The following ZFP36L2 variants were observed in gnomAD, a reference collection of about 807,000 sequenced individuals.
The protein encoded by ZFP36L2 is mRNA decay activator protein ZFP36L2.
In ZFP36L2, 16 loss-of-function variants were observed where a neutral mutation model predicts 27.9. That is an observed-to-expected ratio of 0.57 (90% confidence interval 0.39 to 0.87). ZFP36L2 has a LOEUF of 0.87. Among genes scored for constraint, ZFP36L2 ranks in the 40% least tolerant of loss-of-function variants. ZFP36L2 has a pLI of 0.00. For synonymous variants in ZFP36L2, 600 were observed against 363.8 expected, an observed-to-expected ratio of 1.65 and a Z score of -7.39; for missense variants, 989 against 726.9, an observed-to-expected ratio of 1.36 and a Z score of -4.15.
chr2:43,226,436 T>C lies in ZFP36L2; in HGVS notation c.-121A>G. On this transcript the variant is annotated 5_prime_UTR_variant, in exon 1 of 2. Transcript: ENST00000282388. ...GCGAGGGGCGGGGAGGGGCCGAAAG[T>C]TTGCCGGGGGGCGAGAGGAGAGGGC... The C allele has an allele frequency of 7.5e-7, 1 of 1,334,694 alleles. No individual in the cohort carries two copies. Among genetic ancestry groups the C allele is most frequent in the Non-Finnish European group, 1.0e-6 (1 of 959,330 alleles). The allele number at this position is 1,334,694 out of a possible 1,614,324, so 82.7% of individuals were successfully genotyped here. A position where few individuals can be genotyped will look rare whatever the true frequency, so the allele number is the denominator to read the frequency against.
Position 43,224,861 on chromosome 2 carries a change from G to T in ZFP36L2, c.943C>A (p.Pro315Thr). The change falls in exon 2 of 2, where the codon CCC becomes ACC. Residue 315 changes from proline to threonine, a missense_variant. By Grantham distance (38) the Pro-to-Thr change is conservative (BLOSUM62 -1). Transcript: ENST00000282388. ...SCSSASAASTPSGAPTCCASA... is the reference protein window; with the variant it reads ...SCSSASAASTTSGAPTCCASA... Reference sequence around the variant, plus strand: ...GCGCAGCATGTCGGGGCGCCCGAGGGCGTGGAGGCCGCGGAGGCCGAGGAA... The same window carrying T: ...GCGCAGCATGTCGGGGCGCCCGAGGTCGTGGAGGCCGCGGAGGCCGAGGAA... 13 of 1,487,860 alleles carry T rather than the reference G, an allele frequency of 8.7e-6. No individual in the cohort carries two copies. Among genetic ancestry groups the T allele is most frequent in the Non-Finnish European group, 1.1e-5 (13 of 1,133,344 alleles). 92.2% of individuals were successfully genotyped at this position (1,487,860 alleles called of 1,614,324 possible).
rs777385119 is a variant in ZFP36L2, at chr2:43,224,714, C to T, written c.1090G>A (p.Ala364Thr). ...AGGCTGCTGAGCTCCGGACCGAAGG[C>T]GAAGGCGTTGTTGGCGCACGAGGCC... is the stretch of plus-strand genomic sequence containing the variant. Reference protein sequence around the residue: ...SSASCANNAFAFGPELSSLIT... With the variant: ...SSASCANNAFTFGPELSSLIT... The change falls in exon 2 of 2, where the codon GCC (alanine) becomes ACC (threonine). Residue 364 changes from alanine (A) to threonine (T), a missense_variant. Physicochemically the swap from Ala to Thr is moderately conservative, Grantham distance 58. Coordinates refer to ENST00000282388, the MANE Select transcript of ZFP36L2 (RefSeq NM_006887.5). 14 of 1,532,894 alleles carry T rather than the reference C, an allele frequency of 9.1e-6. No individual in the cohort carries two copies. The African/African-American group carries it at 1.6e-4, about 17-fold the overall frequency. 95.0% of individuals were successfully genotyped at this position (1,532,894 alleles called of 1,614,324 possible). A position where few individuals can be genotyped will look rare whatever the true frequency, so the allele number is the denominator to read the frequency against.
rs1667018253 is a variant in ZFP36L2, at chr2:43,223,729, T to C, written c.*590A>G. 1 of 150,812 alleles carries C rather than the reference T, an allele frequency of 6.6e-6. No individual in the cohort carries two copies. Among genetic ancestry groups the C allele is most frequent in the South Asian group, 2.1e-4 (1 of 4,686 alleles). The allele number at this position is 150,812 out of a possible 1,614,324, so 9.3% of individuals were successfully genotyped here. A position where few individuals can be genotyped will look rare whatever the true frequency, so the allele number is the denominator to read the frequency against. ...TAAAAAACAAAAAACACCTATGGGC[T>C]GAGGGCTAACTATCAAGGCATATTC... On this transcript the variant is annotated 3_prime_UTR_variant, in exon 2 of 2. Transcript: ENST00000282388.
intron 1 of ZFP36L2, 44 bp downstream of exon 1, chr2:43,226,221 G>C (rs779676950): frequency 1.0e-5 from 16 of 1,556,064 alleles, no homozygotes; most frequent in East Asian, 2.4e-5. Context: ...CAAAGTCCAA[G>C]AACTACAACG....
rs771884716 is a variant in ZFP36L2 at position 43,226,256 on chromosome 2, C to T, written c.51+9G>A. ...GGCTGCTGCCGGCCGGGCCCGCTCC[C>T]TGGCCTACCTTGCACAAGAAGTCGA... On this transcript the variant is annotated intron_variant, in intron 1 of 1. Transcript: ENST00000282388. The T allele has an allele frequency of 1.9e-6, 3 of 1,576,324 alleles. No individual in the cohort carries two copies. The highest frequency in any genetic ancestry group is 2.3e-5 in the South Asian group (2 of 86,702).
chr2:43,225,135 G>A lies in ZFP36L2; in HGVS notation c.669C>T (p.Pro223=), dbSNP rs1423022490. The A allele has an allele frequency of 2.5e-6, 4 of 1,584,778 alleles. No individual in the cohort carries two copies. The highest frequency in any genetic ancestry group is 1.7e-4 in the Middle Eastern group (1 of 6,000). ...HFIHNADERR[P]APSGGASGDL... ...CCCCGGAGGCGCCCCCCGACGGCGC[G>A]GGCCGCCGCTCGTCCGCGTTGTGGA... Residue 223 remains proline, a synonymous_variant, in exon 2 of 2, where the codon CCC becomes CCT. Transcript: ENST00000282388.
Position 43,225,372 on chromosome 2 carries a change from G to GC in ZFP36L2, c.431dup (p.Gly145ArgfsTer329), listed in dbSNP as rs1558428769. 6.2e-7 allele frequency: 1 copy of GC among 1,613,344 alleles called. No individual in the cohort carries two copies. The highest frequency in any genetic ancestry group is 1.3e-5 in the African/African-American group (1 of 74,910). ...GCGTGGAGTTGATCTGGGAGCCGCC[G>GC]CCCCCCTTCTGCTGCTGCTGCAGGT... is the stretch of plus-strand genomic sequence containing the variant. On this transcript the variant is annotated frameshift_variant, in exon 2 of 2. Coordinates refer to ENST00000282388, the MANE Select transcript of ZFP36L2 (RefSeq NM_006887.5). LOFTEE classifies it high-confidence loss of function.
Position 43,225,183 on chromosome 2 carries a change from G to A in ZFP36L2, c.621C>T (p.Pro207=), listed in dbSNP as rs1416377230. 2 of 1,600,584 alleles carry A rather than the reference G, an allele frequency of 1.2e-6. No individual in the cohort carries two copies. Among genetic ancestry groups the A allele is most frequent in the Admixed American group, 1.7e-5 (1 of 59,998 alleles). Residue 207 remains proline, a synonymous_variant, in exon 2 of 2, where the codon CCC becomes CCT. Coordinates refer to ENST00000282388, the MANE Select transcript of ZFP36L2 (RefSeq NM_006887.5). ...GGATGAAGTGGCAGCGCGGCCCATA[G>A]GGGCAGAAGCCGATGGTATGAAAGG... ...CRTFHTIGFC[P]YGPRCHFIHN...
In ZFP36L2 at chr2:43,224,065, G is replaced by A; in HGVS notation, c.*254C>T. ...ATATTTTGTTCAACAGAAAAAGTTC[G>A]ACTTTTTTGCTCAAAAAGAATGAAA... On this transcript the variant is annotated 3_prime_UTR_variant, in exon 2 of 2. Coordinates refer to ENST00000282388, the MANE Select transcript of ZFP36L2 (RefSeq NM_006887.5). The A allele has an allele frequency of 2.7e-6, 1 of 370,316 alleles. No homozygotes were observed. Among genetic ancestry groups the A allele is most frequent in the East Asian group, 3.9e-5 (1 of 25,406 alleles). The allele number at this position is 370,316 out of a possible 1,614,324, so 22.9% of individuals were successfully genotyped here.
chr2:43,224,520 G>C lies in ZFP36L2; in HGVS notation c.1284C>G (p.Pro428=), dbSNP rs1489645132. 2.0e-5 allele frequency: 29 copies of C among 1,476,790 alleles called. No homozygotes were observed. The highest frequency in any genetic ancestry group is 9.2e-5 in the Admixed American group (4 of 43,446). 91.5% of individuals were successfully genotyped at this position (1,476,790 alleles called of 1,614,324 possible). ...GGCGGCGCGGCAGCTGGAAGCTGAA[G>C]GGCGGCGAGGGAGGTGCGGCGGCCC... The part of the protein sequence containing the change: ...PAGAAAPPSP[P]FSFQLPRRLS... Residue 428 remains proline, a synonymous_variant, in exon 2 of 2, where the codon CCC becomes CCG. Coordinates refer to ENST00000282388, the MANE Select transcript of ZFP36L2 (RefSeq NM_006887.5).
intron 1 of ZFP36L2, 109 bp from the exon 2 acceptor site, chr2:43,225,861 A>C (rs1428501495): frequency 1.2e-5 from 14 of 1,213,210 alleles, no homozygotes; most frequent in African/African-American, 3.2e-5. Context: ...TTTTTCCCCC[A>C]CTCTTGGCGG....
At position 43,226,349 on chromosome 2, in the gene ZFP36L2, C is replaced by CCGGGAGGT. The variant is rs1473926401; in HGVS notation, c.-42_-35dup. On this transcript the variant is annotated 5_prime_UTR_variant, in exon 1 of 2. Transcript: ENST00000282388. ...ATCCCGCAGTGGCCGGAGCGGCAGGCCGGGAGGTCGGGAGGAGCCCTTGGG... is the reference window on the plus strand; with the variant it reads ...ATCCCGCAGTGGCCGGAGCGGCAGGCCGGGAGGTCGGGAGGTCGGGAGGAGCCCTTGGG... The CCGGGAGGT allele has an allele frequency of 3.2e-6, 5 of 1,561,218 alleles. No individual in the cohort carries two copies. Among genetic ancestry groups the CCGGGAGGT allele is most frequent in the Non-Finnish European group, 4.3e-6 (5 of 1,152,170 alleles).
In ZFP36L2 at chr2:43,224,221, C is replaced by A. The variant is rs575291671; in HGVS notation, c.*98G>T. On this transcript the variant is annotated 3_prime_UTR_variant, in exon 2 of 2. Coordinates refer to ENST00000282388, the MANE Select transcript of ZFP36L2 (RefSeq NM_006887.5). ...AGTCTGCCTAGGGCCCATGTCACCC[C>A]CCCCACTCCCGTGCCCCCAGCAAGG... The A allele has an allele frequency of 2.8e-5, 37 of 1,300,720 alleles. No individual in the cohort carries two copies. The African/African-American group carries it at 4.2e-4, about 15-fold the overall frequency. The allele number at this position is 1,300,720 out of a possible 1,614,324, so 80.6% of individuals were successfully genotyped here. A position where few individuals can be genotyped will look rare whatever the true frequency, so the allele number is the denominator to read the frequency against.
Position 43,224,422 on chromosome 2 carries a change from C to T in ZFP36L2, c.1382G>A (p.Ser461Asn), listed in dbSNP as rs1667035396. 1.3e-6 allele frequency: 2 copies of T among 1,550,390 alleles called. No individual in the cohort carries two copies. The highest frequency in any genetic ancestry group is 1.7e-6 in the Non-Finnish European group (2 of 1,154,460). Residue 461 changes from serine to asparagine, a missense_variant, in exon 2 of 2, where the codon AGC (serine) becomes AAC (asparagine). Ser to Asn is a conservative substitution (Grantham distance 46). Transcript: ENST00000282388. ...DSLSDRDSYLSGSLSSGSLSG... is the reference protein window; with the variant it reads ...DSLSDRDSYLNGSLSSGSLSG... ...GAGGCTGCCGGAGCTCAGGGAGCCGCTTAGGTAGCTGTCGCGGTCCGACAG... is the reference window on the plus strand; with the variant it reads ...GAGGCTGCCGGAGCTCAGGGAGCCGTTTAGGTAGCTGTCGCGGTCCGACAG...
chr2:43,226,261 C>G lies in ZFP36L2; in HGVS notation c.51+4G>C, dbSNP rs563686680. On this transcript the variant is annotated splice_donor_region_variant and intron_variant, in intron 1 of 1. Coordinates refer to ENST00000282388, the MANE Select transcript of ZFP36L2 (RefSeq NM_006887.5). ...CTGCCGGCCGGGCCCGCTCCCTGGCCTACCTTGCACAAGAAGTCGACATCG... is the reference window on the plus strand; with the variant it reads ...CTGCCGGCCGGGCCCGCTCCCTGGCGTACCTTGCACAAGAAGTCGACATCG... 3 of 1,579,542 alleles carry G rather than the reference C, an allele frequency of 1.9e-6. No individual in the cohort carries two copies. The highest frequency in any genetic ancestry group is 2.6e-6 in the Non-Finnish European group (3 of 1,161,856).
In ZFP36L2 at chr2:43,223,989, GTGTT is replaced by G. The variant is rs1667023895; in HGVS notation, c.*326_*329del. The G allele has an allele frequency of 4.5e-6, 1 of 223,600 alleles. No individual in the cohort carries two copies. Among genetic ancestry groups the G allele is most frequent in the Admixed American group, 5.9e-5 (1 of 16,828 alleles). 13.9% of individuals were successfully genotyped at this position (223,600 alleles called of 1,614,324 possible). On this transcript the variant is annotated 3_prime_UTR_variant, in exon 2 of 2. Coordinates refer to ENST00000282388, the MANE Select transcript of ZFP36L2 (RefSeq NM_006887.5). ...TCATCGGAGTCCTAACAAAGTTTAA[GTGTT>G]TTTTTTTTTTTTTTGTTCTATTCGT...
intron 1 of ZFP36L2, 136 bp from the exon 2 acceptor site, chr2:43,225,888 C>T: frequency 1.1e-6 from 1 of 916,374 alleles, no homozygotes; most frequent in Non-Finnish European, 1.6e-6. Context: ...ACTCGGCCTC[C>T]ACCCTCCACC....
rs1405819471 is a variant in ZFP36L2 at position 43,222,959 on chromosome 2, A to T, written c.*1360T>A. On this transcript the variant is annotated 3_prime_UTR_variant, in exon 2 of 2. Transcript: ENST00000282388. ...TTGCTACATGTCTTTATACTCGAGT[A>T]TGTCACAGTAGAACTGGTGGAATAA... 6.6e-6 allele frequency: 1 copy of T among 152,228 alleles called. No homozygotes were observed. Among genetic ancestry groups the T allele is most frequent in the Admixed American group, 6.5e-5 (1 of 15,268 alleles). 9.4% of individuals were successfully genotyped at this position (152,228 alleles called of 1,614,324 possible). A position where few individuals can be genotyped will look rare whatever the true frequency, so the allele number is the denominator to read the frequency against.
In ZFP36L2 at chr2:43,226,203, G is replaced by A. The variant is rs1401399026; in HGVS notation, c.51+62C>T. On this transcript the variant is annotated intron_variant, in intron 1 of 1. Coordinates refer to ENST00000282388, the MANE Select transcript of ZFP36L2 (RefSeq NM_006887.5). The stretch of plus-strand genomic sequence containing the variant: ...GGAGGGGCGTCCCCCAGAACCTGGG[G>A]ACAGAGGCAAAGTCCAAGAACTACA... 1.9e-6 allele frequency: 3 copies of A among 1,548,324 alleles called. No homozygotes were observed. The African/African-American group carries it at 4.1e-5, about 21-fold the overall frequency.
Sources: allele counts gnomAD v4.1 joint callset, GRCh38; gene constraint gnomAD v4.1.1; transcripts MANE v1.5; gene names NCBI Gene and HGNC (gene_info 2026-07-23, HGNC 2026-07-21).